Variants in TESC observed in about 807,000 individuals in gnomAD.
The protein encoded by TESC is tescalcin.
In TESC, 19 loss-of-function variants were observed where a neutral mutation model predicts 31.0. That is an observed-to-expected ratio of 0.61 (90% confidence interval 0.43 to 0.90). The LOEUF (loss-of-function observed/expected upper bound fraction) is 0.90. Ranked by LOEUF, TESC falls within the 40% of genes least tolerant of loss-of-function variation. TESC has a pLI of 0.00. For synonymous variants in TESC, 109 were observed against 114.8 expected, an observed-to-expected ratio of 0.95 and a Z score of 0.32; for missense variants, 248 against 303.8, an observed-to-expected ratio of 0.82 and a Z score of 1.36.
rs1955351176 is a variant in TESC at position 117,093,829 on chromosome 12, CAT to C, written c.58+5394_58+5395del. ...CCTTCTGGCAGCTTCTTGGCATCAACATAGACATGCCTGAAGAGCTGTTTTGG... is the reference window on the plus strand; with the variant it reads ...CCTTCTGGCAGCTTCTTGGCATCAACAGACATGCCTGAAGAGCTGTTTTGG... On this transcript the variant is annotated intron_variant, in intron 1 of 7. Transcript: ENST00000335209. 2.0e-5 allele frequency among the ~76,000 whole-genome samples: 3 copies of C among 150,266 alleles called. No individual in the cohort carries two copies. In the South Asian group the frequency reaches 6.3e-4, roughly 32 times the overall value.
At chr12:117,097,238 T>G (rs1955407916) in intron 1 of TESC, among the ~76,000 whole-genome samples, 1 of 152,136 alleles carries the variant, frequency 6.6e-6, no homozygotes, top group Non-Finnish European at 1.5e-5. Context: ...TCTCCGACCC[T>G]CTCCATCTCC....
intron 2 of TESC, among the ~76,000 whole-genome samples, chr12:117,070,870 C>G (rs755208121): frequency 3.3e-5 from 5 of 152,082 alleles, no homozygotes; most frequent in Non-Finnish European, 7.3e-5. Context: ...ACTCAGGAGG[C>G]TGAAGCAGGA....
At chr12:117,075,889 A>ATATATATATATATATATGTGTGTGTGTG (rs1565971517) in intron 1 of TESC, among the ~76,000 whole-genome samples, 23 of 71,778 alleles carry the variant, frequency 3.2e-4, no homozygotes, top group African/African-American at 1.9e-3. Context: ...ATATATATAT[A>ATATATATATATATATATGTGTGTGTGTG]TATATATATA....
chr12:117,060,032 A>G (rs1487572298), intron 2 of TESC, among the ~76,000 whole-genome samples: 1 of 152,124 alleles, frequency 6.6e-6, no homozygotes, highest in East Asian at 1.9e-4. Flanking sequence ...GACAAAGTGG[A>G]GAGATGTGGT....
chr12:117,055,020 G>C (rs1049170637), intron 3 of TESC, among the ~76,000 whole-genome samples: 1 of 152,056 alleles, frequency 6.6e-6, no homozygotes, highest in East Asian at 1.9e-4. Flanking sequence ...ACTGAGGCTC[G>C]AGCTCTGGCC....
chr12:117,043,984 A>C lies in TESC; in HGVS notation c.520-1990T>G, dbSNP rs73203833. ...ATTTTGGCCAGGCACAGTGGTTCACATCTGTCATCCCAGCACTTTGGGAGG... is the reference window on the plus strand; with the variant it reads ...ATTTTGGCCAGGCACAGTGGTTCACCTCTGTCATCCCAGCACTTTGGGAGG... On this transcript the variant is annotated intron_variant, in intron 6 of 7. Coordinates refer to ENST00000335209, the MANE Select transcript of TESC (RefSeq NM_017899.4). 5.1e-3 allele frequency among the ~76,000 whole-genome samples: 772 copies of C among 151,820 alleles called. 2 individuals carry two copies. Among genetic ancestry groups the C allele is most frequent in the Non-Finnish European group, 8.2e-3 (558 of 67,940 alleles).
intron 1 of TESC, among the ~76,000 whole-genome samples, chr12:117,075,895 A>ATATGTGTG (rs1955057701): frequency 8.4e-5 from 7 of 83,042 alleles, no homozygotes; most frequent in Admixed American, 2.5e-4. Flanking sequence ...ATATATATAT[A>ATATGTGTG]TATATATATA....
At chr12:117,044,472 T>C (rs11068300) in intron 6 of TESC, among the ~76,000 whole-genome samples, 67,500 of 152,000 alleles carry the variant, frequency 0.44, 17,200 homozygotes, top group African/African-American at 0.7. Flanking sequence ...GGCCAGAGTC[T>C]GGGGCTGGAA....
chr12:117,087,363 G>C (rs893150239), intron 1 of TESC, among the ~76,000 whole-genome samples: 2 of 152,124 alleles, frequency 1.3e-5, no homozygotes, highest in Admixed American at 1.3e-4. Flanking sequence ...TGAAAGCCAA[G>C]GAATTCCTGG....
At chr12:117,047,888 G>A (rs1306170887) in intron 4 of TESC, among the ~76,000 whole-genome samples, 4 of 151,972 alleles carry the variant, frequency 2.6e-5, no homozygotes, top group East Asian at 1.9e-4. Flanking sequence ...CCACAGGCAC[G>A]CAGCACCACT....
chr12:117,078,087 C>T (rs368664141), intron 1 of TESC, among the ~76,000 whole-genome samples: 17 of 152,182 alleles, frequency 1.1e-4, no homozygotes, highest in African/African-American at 4.1e-4. Context: ...ATAGATGCAA[C>T]ACGTACAAAA....
intron 2 of TESC, among the ~76,000 whole-genome samples, chr12:117,064,753 A>G (rs1300682298): frequency 6.6e-6 from 1 of 152,164 alleles, no homozygotes; most frequent in African/African-American, 2.4e-5. Flanking sequence ...GGCCACAGGG[A>G]AAAAAGTGAC....
intron 2 of TESC, among the ~76,000 whole-genome samples, chr12:117,069,210 G>C (rs1954930909): frequency 6.6e-6 from 1 of 151,962 alleles, no homozygotes; most frequent in African/African-American, 2.4e-5. Context: ...ATACGATTTG[G>C]GGGTTCCCTC....
intron 1 of TESC, among the ~76,000 whole-genome samples, chr12:117,077,910 G>A (rs924053741): frequency 6.6e-6 from 1 of 152,026 alleles, no homozygotes; most frequent in African/African-American, 2.4e-5. Flanking sequence ...CTGTATGCTT[G>A]AGTGATGCAC....
At chr12:117,096,994 C>T (rs1347671244) in intron 1 of TESC, among the ~76,000 whole-genome samples, 1 of 152,190 alleles carries the variant, frequency 6.6e-6, no homozygotes, top group African/African-American at 2.4e-5. Context: ...CTCATGCCAC[C>T]CTGCTATGCC....
chr12:117,045,506 G>T (rs967442464), intron 6 of TESC, among the ~76,000 whole-genome samples: 1 of 152,208 alleles, frequency 6.6e-6, no homozygotes, highest in Non-Finnish European at 1.5e-5. Context: ...GCCCTCTCCC[G>T]TGGTGGTTAG....
intron 7 of TESC, 30 bp from the exon 8 acceptor site, chr12:117,039,240 C>G: frequency 6.3e-7 from 1 of 1,595,184 alleles, no homozygotes; most frequent in Non-Finnish European, 8.5e-7. Flanking sequence ...GTTAAGGGCA[C>G]GTTCCCGCCG....
chr12:117,087,139 GCTGAA>G (rs1955228496), intron 1 of TESC, among the ~76,000 whole-genome samples: 1 of 152,336 alleles, frequency 6.6e-6, no homozygotes, highest in East Asian at 1.9e-4. Context: ...GATGCCATGT[GCTGAA>G]CTCGTATACA....
In TESC at chr12:117,074,722, G is replaced by A. The variant is rs145252586; in HGVS notation, c.128+549C>T. Among the ~76,000 whole-genome samples the A allele has an allele frequency of 1.7e-3, 256 of 152,174 alleles. 1 individual carries two copies. Among genetic ancestry groups the A allele is most frequent in the African/African-American group, 6.0e-3 (249 of 41,580 alleles). On this transcript the variant is annotated intron_variant, in intron 2 of 7. Coordinates refer to ENST00000335209, the MANE Select transcript of TESC (RefSeq NM_017899.4). ...AAGCACATTCCATCCGAGGAAGTCA[G>A]GGTGAGGCATGGGGTGGCTGAAGAG...
Sources: gnomAD v4.1 joint callset for allele counts (sites outside exome capture counted in the v4.1 genomes callset) on GRCh38, gnomAD v4.1.1 for gene constraint, MANE v1.5 for transcripts, NCBI Gene and HGNC (gene_info 2026-07-23, HGNC 2026-07-21) for gene names.